The following MAL2 variants were observed in gnomAD, a reference collection of about 807,000 sequenced individuals.
MAL2 encodes mal, T cell differentiation protein 2.
A neutral mutation model predicts 18.1 loss-of-function variants in MAL2; 17 were observed. The ratio of observed to expected loss-of-function variants is 0.94; its 90% CI spans 0.64 to 1.41. The LOEUF (loss-of-function observed/expected upper bound fraction) is 1.41, where lower values mean the gene tolerates loss of function less well. Ranked by LOEUF, MAL2 falls within the 40% of genes most tolerant of loss-of-function variation. MAL2 has a pLI of 0.00. For synonymous variants in MAL2, 102 were observed against 102.3 expected (o/e 1.00, Z 0.02); for missense variants, 222 against 231.9 (o/e 0.96, Z 0.28).
chr8:119,238,143 CAT>C (rs1314184913), intron 2 of MAL2, among the ~76,000 whole-genome samples: 2 of 152,218 alleles, frequency 1.3e-5, no homozygotes, highest in Non-Finnish European at 1.5e-5. Flanking sequence ...ATACCAATAA[CAT>C]ACAAACAGGG....
intron 2 of MAL2, chr8:119,223,381 T>C (rs1817509303): frequency 6.6e-6 from 1 of 152,242 alleles, no homozygotes; most frequent in South Asian, 2.1e-4. Flanking sequence ...GATTTTAGTT[T>C]CTTCCTCTGT....
In MAL2 at chr8:119,240,293, C is replaced by T; in HGVS notation, c.432C>T (p.Asn144=). Residue 144 remains asparagine (N), a synonymous_variant, in exon 3 of 4, where the codon AAC becomes AAT. Coordinates refer to ENST00000614891, the MANE Select transcript of MAL2 (RefSeq NM_052886.3). The part of the protein sequence containing the change: ...TITGQPLLSD[N]QYNINVAASI... Reference sequence around the variant, plus strand: ...CCGGGCAGCCACTCCTGAGTGATAACCAGTATAACATAAACGTAGCAGCCT... The same window carrying T: ...CCGGGCAGCCACTCCTGAGTGATAATCAGTATAACATAAACGTAGCAGCCT... 1 of 1,613,568 alleles carries T rather than the reference C, an allele frequency of 6.2e-7. No individual in the cohort carries two copies. The highest frequency in any genetic ancestry group is 8.5e-7 in the Non-Finnish European group (1 of 1,179,732).
At chr8:119,242,242 T>A (rs557950856) in intron 3 of MAL2, among the ~76,000 whole-genome samples, 2 of 152,300 alleles carry the variant, frequency 1.3e-5, no homozygotes, top group South Asian at 4.1e-4. Context: ...TTTGTCACCT[T>A]TGTCCTAAGG....
chr8:119,237,762 G>T lies in MAL2; in HGVS notation c.304-2403G>T, dbSNP rs1287208044. ...AACCCTTCATGCTAAAAACTCTCAA[G>T]AAATTAGGTACTGATGGGACGTATT... On this transcript the variant is annotated intron_variant, in intron 2 of 3. Transcript: ENST00000614891. Among the ~76,000 whole-genome samples, 136 of 151,144 alleles carry T rather than the reference G, an allele frequency of 9.0e-4. 1 individual carries two copies. Among genetic ancestry groups the T allele is most frequent in the African/African-American group, 3.2e-3 (131 of 40,498 alleles).
At chr8:119,216,139 T>G (rs1563768903) in intron 1 of MAL2, among the ~76,000 whole-genome samples, 1 of 151,910 alleles carries the variant, frequency 6.6e-6, no homozygotes, top group East Asian at 1.9e-4. Flanking sequence ...AACTTCTGGG[T>G]GGGGGGGCCA....
intron 2 of MAL2, among the ~76,000 whole-genome samples, chr8:119,229,097 A>C (rs1244849759): frequency 4.6e-5 from 7 of 152,160 alleles, no homozygotes. Flanking sequence ...AGGATTGCTA[A>C]CATCAACTCG....
chr8:119,238,324 C>T (rs201827272), intron 2 of MAL2, among the ~76,000 whole-genome samples: 1 of 152,032 alleles, frequency 6.6e-6, no homozygotes, highest in Non-Finnish European at 1.5e-5. Flanking sequence ...GTAGGAAGAA[C>T]CAATATCATG....
chr8:119,239,047 C>T (rs1817983653), intron 2 of MAL2, among the ~76,000 whole-genome samples: 1 of 151,736 alleles, frequency 6.6e-6, no homozygotes, highest in African/African-American at 2.4e-5. Context: ...GTCTAATATC[C>T]AGAATCTACA....
At chr8:119,223,640 C>T (rs952814683) in intron 2 of MAL2, among the ~76,000 whole-genome samples, 1 of 152,188 alleles carries the variant, frequency 6.6e-6, no homozygotes, top group Non-Finnish European at 1.5e-5. Flanking sequence ...AGTCTTTTAG[C>T]TCAGTAGCTG....
In MAL2 at chr8:119,218,859, T is replaced by A. The variant is rs114415322; in HGVS notation, c.133-2728T>A. 2.8e-3 allele frequency among the ~76,000 whole-genome samples: 432 copies of A among 152,306 alleles called. 1 individual carries two copies. The highest frequency in any genetic ancestry group is 9.8e-3 in the African/African-American group (407 of 41,564). On this transcript the variant is annotated intron_variant, in intron 1 of 3. Coordinates refer to ENST00000614891, the MANE Select transcript of MAL2 (RefSeq NM_052886.3). ...CAATTGCTTTTTATTATCCTTTATA[T>A]TTGCACATAGGTTCTCAGGAAATAA...
intron 2 of MAL2, among the ~76,000 whole-genome samples, chr8:119,230,104 C>T (rs935683713): frequency 2.6e-5 from 4 of 152,150 alleles, no homozygotes; most frequent in Non-Finnish European, 1.5e-5. Flanking sequence ...TCTTCTCTAC[C>T]AGGTCTAGTA....
At chr8:119,219,832 G>C (rs1817434615) in intron 1 of MAL2, among the ~76,000 whole-genome samples, 1 of 151,440 alleles carries the variant, frequency 6.6e-6, no homozygotes, top group Non-Finnish European at 1.5e-5. Context: ...TAGGGAGGTT[G>C]CCCAGAGGAG....
Position 119,221,378 on chromosome 8 carries a change from G to A in MAL2, c.133-209G>A. 7.2e-6 allele frequency: 4 copies of A among 559,440 alleles called. No homozygotes were observed. The Admixed American group carries it at 1.2e-4, about 17-fold the overall frequency. 34.7% of individuals were successfully genotyped at this position (559,440 alleles called of 1,614,324 possible). ...AAGATACAGGTGTGGAGTTGGATCA[G>A]TTCTCCAAGCAGGAGGATTGATCTT... On this transcript the variant is annotated intron_variant, in intron 1 of 3. Transcript: ENST00000614891.
chr8:119,212,684 A>C (rs1441494899), intron 1 of MAL2, among the ~76,000 whole-genome samples: 1 of 152,184 alleles, frequency 6.6e-6, no homozygotes, highest in Non-Finnish European at 1.5e-5. Context: ...GGGACATTTG[A>C]GGTTAGCCTT....
chr8:119,235,998 C>A (rs1817879827), intron 2 of MAL2, among the ~76,000 whole-genome samples: 4 of 68,856 alleles, frequency 5.8e-5, no homozygotes, highest in African/African-American at 2.0e-4. Flanking sequence ...CACAGACTGG[C>A]AAATTGGATA....
chr8:119,232,905 A>G (rs936555490), intron 2 of MAL2, among the ~76,000 whole-genome samples: 3 of 152,126 alleles, frequency 2.0e-5, no homozygotes, highest in African/African-American at 7.2e-5. Flanking sequence ...GTTTTGAGTG[A>G]GTTTCTTAAT....
chr8:119,232,804 C>T (rs1030067724), intron 2 of MAL2, among the ~76,000 whole-genome samples: 3 of 151,964 alleles, frequency 2.0e-5, no homozygotes, highest in Admixed American at 2.0e-4. Flanking sequence ...TTTATATTAT[C>T]CTAATTAACA....
rs1027413781 is a variant in MAL2, at chr8:119,245,544, T to G, written c.*2056T>G. The G allele has an allele frequency of 1.3e-5, 2 of 152,618 alleles. No individual in the cohort carries two copies. Among genetic ancestry groups the G allele is most frequent in the Non-Finnish European group, 2.9e-5 (2 of 68,022 alleles). 9.5% of individuals were successfully genotyped at this position (152,618 alleles called of 1,614,324 possible). A position where few individuals can be genotyped will look rare whatever the true frequency, so the allele number is the denominator to read the frequency against. ...AAGCAGTTGAACAAAAATTATGGCA[T>G]TTAAGAATTTAACATGTCTTAGCTG... is the stretch of plus-strand genomic sequence containing the variant. On this transcript the variant is annotated 3_prime_UTR_variant, in exon 4 of 4. Transcript: ENST00000614891.
intron 2 of MAL2, among the ~76,000 whole-genome samples, chr8:119,235,961 A>G (rs1817879263): frequency 1.1e-5 from 1 of 87,784 alleles, no homozygotes; most frequent in Non-Finnish European, 2.2e-5. Flanking sequence ...TTTAAATGTA[A>G]ATGGACTAAA....
Sources: allele counts gnomAD v4.1 joint callset (sites outside exome capture counted in the v4.1 genomes callset), GRCh38; gene constraint gnomAD v4.1.1; transcripts MANE v1.5; gene names NCBI Gene and HGNC (gene_info 2026-07-23, HGNC 2026-07-21).